Variants in SUGCT observed in about 807,000 individuals in gnomAD.
The protein encoded by SUGCT is succinyl-CoA:glutarate CoA-transferase.
SUGCT carries 41 observed loss-of-function variants against 55.0 expected under a neutral mutation model. The observed-to-expected ratio is 0.74, with a 90% confidence interval of 0.58 to 0.97. The LOEUF (loss-of-function observed/expected upper bound fraction) is 0.97, where lower values mean the gene tolerates loss of function less well. SUGCT is among the 50% of genes least tolerant of loss of function. The pLI is 0.00. For missense variants in SUGCT, 568 were observed against 547.8 expected (o/e 1.04, Z -0.37); for synonymous variants, 187 against 200.4 (o/e 0.93, Z 0.56).
intron 13 of SUGCT, among the ~76,000 whole-genome samples, chr7:40,843,208 G>A (rs1793364341): frequency 6.6e-6 from 1 of 152,108 alleles, no homozygotes; most frequent in Non-Finnish European, 1.5e-5. Flanking sequence ...CAGGGTGGCA[G>A]GATGAAAAAA....
chr7:40,492,762 G>A (rs1791760012), intron 11 of SUGCT, among the ~76,000 whole-genome samples: 1 of 152,166 alleles, frequency 6.6e-6, no homozygotes, highest in Non-Finnish European at 1.5e-5. Flanking sequence ...CGTGGGTCCA[G>A]TGCAAGTCTC....
At chr7:41,028,549 T>C in the SUGCT span, among the ~76,000 whole-genome samples, 3 of 152,226 alleles carry the variant, frequency 2.0e-5, no homozygotes, top group African/African-American at 7.2e-5. Flanking sequence ...CTAGGCTTTA[T>C]GGTATAACCT....
rs111299085 is a variant in SUGCT, at chr7:40,348,360, AG to A, written c.816+31508del. On this transcript the variant is annotated intron_variant, in intron 9 of 13. Transcript: ENST00000335693. Reference sequence around the variant, plus strand: ...TCTGACCAGGGTCTGTGAAATGGTAAGGGTTTACAAAATGGTGCAGCTTGGG... The same window carrying A: ...TCTGACCAGGGTCTGTGAAATGGTAAGGTTTACAAAATGGTGCAGCTTGGG... Among the ~76,000 whole-genome samples, 206 of 152,316 alleles carry A rather than the reference AG, an allele frequency of 1.4e-3. No individual in the cohort carries two copies. The Middle Eastern group carries it at 0.017, about 13-fold the overall frequency.
At chr7:40,737,788 G>T (rs1017814966) in intron 12 of SUGCT, among the ~76,000 whole-genome samples, 1 of 152,186 alleles carries the variant, frequency 6.6e-6, no homozygotes. Context: ...GCCAGGGGTG[G>T]TGGCGGGCGC....
chr7:40,659,065 C>T (rs1237428669), intron 12 of SUGCT, among the ~76,000 whole-genome samples: 1 of 152,170 alleles, frequency 6.6e-6, no homozygotes. Context: ...TCACTAGTCT[C>T]TGCTTATGAA....
chr7:40,260,486 T>G (rs1489795507), intron 7 of SUGCT, among the ~76,000 whole-genome samples: 1 of 152,230 alleles, frequency 6.6e-6, no homozygotes, highest in Non-Finnish European at 1.5e-5. Context: ...CTAGAGTTCT[T>G]TAAGCTACAC....
At chr7:40,242,933 A>ATTTT (rs70996894) in intron 7 of SUGCT, among the ~76,000 whole-genome samples, 205 of 17,228 alleles carry the variant, frequency 0.012, 44 homozygotes, top group Non-Finnish European at 0.019. Context: ...ATATATATAT[A>ATTTT]TTTTTTTTTT....
the SUGCT span, among the ~76,000 whole-genome samples, chr7:40,883,912 TC>T: frequency 1.1e-4 from 16 of 152,294 alleles, no homozygotes; most frequent in African/African-American, 3.8e-4. Context: ...AGACAGAGTC[TC>T]CAGTAAATTC....
intron 9 of SUGCT, among the ~76,000 whole-genome samples, chr7:40,404,692 C>T (rs1322337673): frequency 6.6e-6 from 1 of 152,206 alleles, no homozygotes; most frequent in Non-Finnish European, 1.5e-5. Flanking sequence ...CCACCATGGT[C>T]TCCCAAAGTG....
At chr7:40,316,956 T>TTTTTTTTTTTG in intron 9 of SUGCT, 101 bp downstream of exon 9, 1 of 249,792 alleles carries the variant, frequency 4.0e-6, no homozygotes. Context: ...CCTTCAGCTG[T>TTTTTTTTTTTG]TTTTTTTTTT....
At chr7:40,976,407 A>G in the SUGCT span, among the ~76,000 whole-genome samples, 2 of 152,224 alleles carry the variant, frequency 1.3e-5, no homozygotes, top group Non-Finnish European at 2.9e-5. Flanking sequence ...CCATGGATTA[A>G]GTGAGAAATT....
the SUGCT span, among the ~76,000 whole-genome samples, chr7:40,866,254 C>G: frequency 6.6e-6 from 1 of 152,158 alleles, no homozygotes; most frequent in Non-Finnish European, 1.5e-5. Context: ...CATAGCATCT[C>G]TTGGTATGAG....
chr7:40,561,146 A>C (rs886390298), intron 12 of SUGCT, among the ~76,000 whole-genome samples: 2 of 152,230 alleles, frequency 1.3e-5, no homozygotes, highest in Non-Finnish European at 2.9e-5. Context: ...GGTAAGGCCT[A>C]ATACAAGCCT....
chr7:40,153,756 C>T, intron 1 of SUGCT: 1 of 430,986 alleles, frequency 2.3e-6, no homozygotes, highest in Non-Finnish European at 4.7e-6. Flanking sequence ...CTTTATTGAC[C>T]AAGAGCCAAA....
chr7:40,779,904 G>A (rs1251787608), intron 13 of SUGCT, among the ~76,000 whole-genome samples: 1 of 152,132 alleles, frequency 6.6e-6, no homozygotes, highest in Non-Finnish European at 1.5e-5. Context: ...TGGCTTCTGG[G>A]TGTTCATTAA....
rs1303961312 is a variant in SUGCT at position 40,439,062 on chromosome 7, GTGTATATATATATATATATATATA to G, written c.817-10223_817-10200del. Among the ~76,000 whole-genome samples the G allele has an allele frequency of 7.2e-4, 34 of 47,032 alleles. 4 individuals carry two copies. In the East Asian group the frequency reaches 7.3e-3, roughly 10 times the overall value. 30.9% of individuals were successfully genotyped at this position (47,032 alleles called of 152,430 possible). A position where few individuals can be genotyped will look rare whatever the true frequency, so the allele number is the denominator to read the frequency against. ...TATATATATATATGGTATATATATG[GTGTATATATATATATATATATATA>G]TATATATATATATATATATATATAT... On this transcript the variant is annotated intron_variant, in intron 9 of 13. Transcript: ENST00000335693.
intron 13 of SUGCT, among the ~76,000 whole-genome samples, chr7:40,772,540 A>G (rs1449249947): frequency 4.0e-5 from 6 of 148,690 alleles, no homozygotes; most frequent in South Asian, 2.1e-4. Context: ...CTATCTATCT[A>G]TCTATCTATC....
At chr7:40,946,313 G>A in the SUGCT span, among the ~76,000 whole-genome samples, 1 of 152,150 alleles carries the variant, frequency 6.6e-6, no homozygotes, top group Admixed American at 6.5e-5. Flanking sequence ...CATAGTGGGT[G>A]GAGGGGTAAG....
intron 12 of SUGCT, among the ~76,000 whole-genome samples, chr7:40,717,802 A>T (rs1006346148): frequency 6.6e-6 from 1 of 152,198 alleles, no homozygotes; most frequent in Non-Finnish European, 1.5e-5. Context: ...ATTTTTTCTA[A>T]GAAAATATCC....
Sources: gnomAD v4.1 joint callset for allele counts (sites outside exome capture counted in the v4.1 genomes callset) on GRCh38, gnomAD v4.1.1 for gene constraint, MANE v1.5 for transcripts, NCBI Gene and HGNC (gene_info 2026-07-23, HGNC 2026-07-21) for gene names.